ZC3H13: variants seen among roughly 807,000 people sequenced by gnomAD.
ZC3H13 encodes the protein zinc finger CCCH domain-containing protein 13.
Under a neutral mutation model 204.1 loss-of-function variants are expected in ZC3H13, and 64 were observed. That is an observed-to-expected ratio of 0.31 (90% CI 0.26 to 0.39). The LOEUF is 0.39. ZC3H13 is among the 10% of genes least tolerant of loss of function. ZC3H13 has a pLI of 1.00. For missense variants in ZC3H13, 1,833 were observed against 2,082.7 expected (o/e 0.88, Z 2.33); for synonymous variants, 667 against 693.7 (o/e 0.96, Z 0.60).
Position 45,971,206 on chromosome 13 carries a change from A to G in ZC3H13, c.2469-741T>C, listed in dbSNP as rs538789929. On this transcript the variant is annotated intron_variant, in intron 12 of 18. Transcript: ENST00000679008. ...TTGAGCTTTAAATGAGTAGCGTTTT[A>G]TATCTCTTGGGTACTTAAATTATTC... Among the ~76,000 whole-genome samples the G allele has an allele frequency of 2.1e-4, 32 of 152,294 alleles. No individual in the cohort carries two copies. In the South Asian group the frequency reaches 6.2e-3, roughly 30 times the overall value.
chr13:46,037,639 T>C (rs532099880), intron 4 of ZC3H13, among the ~76,000 whole-genome samples: 3 of 137,382 alleles, frequency 2.2e-5, no homozygotes, highest in Middle Eastern at 3.3e-3. Flanking sequence ...CTACCTCATA[T>C]AAGCCTCTCA....
Position 46,003,342 on chromosome 13 carries a change from G to A in ZC3H13, c.747-6C>T. The stretch of plus-strand genomic sequence containing the variant: ...TTTGGTTGGTTTTTGAATTTCTGAA[G>A]GTAACAAAAAGCTATCATTAGAGGT... On this transcript the variant is annotated splice_region_variant and splice_polypyrimidine_tract_variant and intron_variant, in intron 7 of 18. Transcript: ENST00000679008. 1 of 1,602,494 alleles carries A rather than the reference G, an allele frequency of 6.2e-7. No homozygotes were observed. Among genetic ancestry groups the A allele is most frequent in the Non-Finnish European group, 8.5e-7 (1 of 1,177,298 alleles).
At chr13:46,006,713 C>CATATATATATATATATATATATATATAT (rs71184435) in intron 7 of ZC3H13, among the ~76,000 whole-genome samples, 851 of 63,686 alleles carry the variant, frequency 0.013, 185 homozygotes, top group African/African-American at 0.029. Context: ...AGTTCTTAGC[C>CATATATATATATATATATATATATATAT]ATATATATAT....
chr13:45,976,031 T>G (rs1953015537), intron 11 of ZC3H13, 193 bp from the exon 12 acceptor site: 1 of 840,220 alleles, frequency 1.2e-6, no homozygotes, highest in Non-Finnish European at 1.4e-6. Context: ...TAAAGATAAT[T>G]TTTATTTGCC....
intron 9 of ZC3H13, among the ~76,000 whole-genome samples, chr13:45,987,889 TA>T (rs1301716051): frequency 6.6e-6 from 1 of 152,216 alleles, no homozygotes; most frequent in Non-Finnish European, 1.5e-5. Flanking sequence ...TGAGAGCTAT[TA>T]AACAGGCTTT....
At position 45,963,892 on chromosome 13, in the gene ZC3H13, A is replaced by G. The variant is rs768811131; in HGVS notation, c.4625T>C (p.Leu1542Pro). The G allele has an allele frequency of 6.2e-7, 1 of 1,614,024 alleles. No homozygotes were observed. Among genetic ancestry groups the G allele is most frequent in the Non-Finnish European group, 8.5e-7 (1 of 1,180,004 alleles). ...ACATGTTTCTTTGACTTTGGCAAAGAGTTCAGAACCTGCCAACTTTTTAGA... is the reference window on the plus strand; with the variant it reads ...ACATGTTTCTTTGACTTTGGCAAAGGGTTCAGAACCTGCCAACTTTTTAGA... ...GISKKLAGSE[L>P]FAKVKETCQR... is the part of the protein sequence containing the mutation. Residue 1542 changes from leucine (L) to proline (P), a missense_variant, in exon 17 of 19, where the codon CTC (leucine) becomes CCC (proline). By Grantham distance (98) the Leu-to-Pro change is moderately conservative. Coordinates refer to ENST00000679008, the MANE Select transcript of ZC3H13 (RefSeq NM_001330564.2).
intron 4 of ZC3H13, 151 bp downstream of exon 4, chr13:46,042,013 A>C: frequency 9.5e-6 from 5 of 528,610 alleles, no homozygotes; most frequent in Non-Finnish European, 1.3e-5. Flanking sequence ...TTCCCAGGGG[A>C]CTCTTTCCCT....
chr13:45,965,430 C>T lies in ZC3H13; in HGVS notation c.4324G>A (p.Gly1442Arg), dbSNP rs752912915. The T allele has an allele frequency of 1.6e-5, 26 of 1,611,584 alleles. No individual in the cohort carries two copies. Among genetic ancestry groups the T allele is most frequent in the Non-Finnish European group, 2.2e-5 (26 of 1,179,044 alleles). Reference protein sequence around the residue: ...KSERTESLEAGDDESKLDDAH... With the variant: ...KSERTESLEARDDESKLDDAH... Reference sequence around the variant, plus strand: ...TCATCTAACTTGGACTCGTCATCTCCTGCTAAATAGACAAATTAATTTCAG... The same window carrying T: ...TCATCTAACTTGGACTCGTCATCTCTTGCTAAATAGACAAATTAATTTCAG... The change falls in exon 16 of 19, where the codon GGA (glycine) becomes AGA (arginine). Residue 1442 changes from glycine (G) to arginine (R), a missense_variant and splice_region_variant. By Grantham distance (125) the Gly-to-Arg change is moderately radical. Around this residue, in one of 5 missense-constraint regions of ZC3H13, gnomAD observed 1,574 missense variants for 1,757.2 expected, o/e 0.90. Coordinates refer to ENST00000679008, the MANE Select transcript of ZC3H13 (RefSeq NM_001330564.2).
chr13:45,997,417 G>A (rs1338691126), intron 8 of ZC3H13, among the ~76,000 whole-genome samples: 1 of 152,122 alleles, frequency 6.6e-6, no homozygotes, highest in Non-Finnish European at 1.5e-5. Context: ...GGAAAATCAT[G>A]AACTTTTCTA....
In ZC3H13 at chr13:45,985,613, C is replaced by A; in HGVS notation, c.1404G>T (p.Arg468Ser). The A allele has an allele frequency of 6.2e-7, 1 of 1,613,914 alleles. No homozygotes were observed. The highest frequency in any genetic ancestry group is 8.5e-7 in the Non-Finnish European group (1 of 1,179,998). ...RRDARDTRDRRELRDSRDMRD... is the reference protein window; with the variant it reads ...RRDARDTRDRSELRDSRDMRD... ...GCATGTCTCTGGAGTCTCTTAGTTCCCTTCGGTCCCTAGTATCTCTGGCAT... is the reference window on the plus strand; with the variant it reads ...GCATGTCTCTGGAGTCTCTTAGTTCACTTCGGTCCCTAGTATCTCTGGCAT... Residue 468 changes from arginine (R) to serine (S), a missense_variant, in exon 10 of 19, where the codon AGG becomes AGT. Coordinates refer to ENST00000679008, the MANE Select transcript of ZC3H13 (RefSeq NM_001330564.2).
At chr13:46,005,520 C>T (rs140352853) in intron 7 of ZC3H13, among the ~76,000 whole-genome samples, 81 of 152,212 alleles carry the variant, frequency 5.3e-4, no homozygotes, top group African/African-American at 1.8e-3. Flanking sequence ...GACAGTGTCT[C>T]GCTCTGTTGC....
intron 8 of ZC3H13, among the ~76,000 whole-genome samples, chr13:45,997,240 CAT>C (rs1321956233): frequency 6.6e-6 from 1 of 152,166 alleles, no homozygotes; most frequent in Non-Finnish European, 1.5e-5. Context: ...AAATTAACCA[CAT>C]GATAGAATTT....
intron 15 of ZC3H13, among the ~76,000 whole-genome samples, chr13:45,966,578 T>C (rs1952105916): frequency 6.6e-6 from 1 of 152,178 alleles, no homozygotes; most frequent in South Asian, 2.1e-4. Flanking sequence ...TTATATATTT[T>C]AGAGATGAGG....
chr13:46,011,821 T>C (rs2041584211), intron 5 of ZC3H13, among the ~76,000 whole-genome samples: 1 of 152,200 alleles, frequency 6.6e-6, no homozygotes, highest in African/African-American at 2.4e-5. Context: ...AGTTGGGTTT[T>C]TTGTTAGGAG....
rs545046098 is a variant in ZC3H13, at chr13:46,022,057, A to G, written c.340-1500T>C. On this transcript the variant is annotated intron_variant, in intron 4 of 18. Coordinates refer to ENST00000679008, the MANE Select transcript of ZC3H13 (RefSeq NM_001330564.2). ...CAGTAGTGCTGGTGCTGCAAAATCAATCTATAAATTTGTAACATTTTTTAT... is the reference window on the plus strand; with the variant it reads ...CAGTAGTGCTGGTGCTGCAAAATCAGTCTATAAATTTGTAACATTTTTTAT... Among the ~76,000 whole-genome samples the G allele has an allele frequency of 1.2e-4, 18 of 152,070 alleles. No homozygotes were observed. In the South Asian group the frequency reaches 3.3e-3, roughly 28 times the overall value.
chr13:45,985,790 A>G, intron 9 of ZC3H13, 29 bp from the exon 10 acceptor site: 1 of 1,547,322 alleles, frequency 6.5e-7, no homozygotes, highest in Non-Finnish European at 8.7e-7. Context: ...AATTGACTGT[A>G]ATTGCTTTTA....
chr13:46,003,216 C>A lies in ZC3H13; in HGVS notation c.867G>T (p.Arg289Ser). 6.2e-7 allele frequency: 1 copy of A among 1,612,900 alleles called. No homozygotes were observed. The highest frequency in any genetic ancestry group is 8.5e-7 in the Non-Finnish European group (1 of 1,179,654). The change falls in exon 8 of 19, where the codon AGG becomes AGT. Residue 289 changes from arginine (R) to serine (S), a missense_variant. Physicochemically the swap from Arg to Ser is moderately radical, Grantham distance 110. Around this residue, in one of 5 missense-constraint regions of ZC3H13, gnomAD observed 1,574 missense variants for 1,757.2 expected, o/e 0.90. Transcript: ENST00000679008. ...KYKEKYKVKD[R>S]IEEKTRDGKD... ...TTCCATCTCTTGTTTTTTCTTCTAT[C>A]CTGTCTTTTACTTTATATTTTTCTT...
chr13:46,051,582 A>T (rs17067577), intron 1 of ZC3H13, among the ~76,000 whole-genome samples: 2 of 152,354 alleles, frequency 1.3e-5, no homozygotes, highest in Admixed American at 6.5e-5. Flanking sequence ...ACTGAACTGC[A>T]TAAGTATTTA....
chr13:45,966,620 T>C (rs1379174051), intron 15 of ZC3H13, among the ~76,000 whole-genome samples: 1 of 152,192 alleles, frequency 6.6e-6, no homozygotes, highest in Non-Finnish European at 1.5e-5. Context: ...AGAGCTATTA[T>C]AATGATTAAT....
Sources: gnomAD v4.1 joint callset for allele counts (sites outside exome capture counted in the v4.1 genomes callset) on GRCh38, gnomAD v4.1.1 for gene constraint, gnomAD v4.1.1 regional missense constraint, MANE v1.5 for transcripts, NCBI Gene and HGNC (gene_info 2026-07-23, HGNC 2026-07-21) for gene names.